Variants in HPR observed in about 807,000 individuals in gnomAD.
The protein encoded by HPR is haptoglobin-related protein, also known as Haptoglobin-related locus.
HPR carries 17 observed loss-of-function variants against 18.5 expected under a neutral mutation model. The ratio of observed to expected loss-of-function variants is 0.92; its 90% CI spans 0.63 to 1.38. The LOEUF (loss-of-function observed/expected upper bound fraction) is 1.38, where lower values mean the gene tolerates loss of function less well. HPR is among the 40% of genes most tolerant of loss of function. The pLI, the probability that HPR is intolerant of heterozygous loss-of-function variation, is 0.00. For synonymous variants in HPR, 176 were observed against 165.0 expected, an observed-to-expected ratio of 1.07 and a Z score of -0.51; for missense variants, 457 against 432.4, an observed-to-expected ratio of 1.06 and a Z score of -0.51.
In HPR at chr16:72,076,603, G is replaced by A. The variant is rs768382715; in HGVS notation, c.569G>A (p.Gly190Glu). 5 of 1,614,042 alleles carry A rather than the reference G, an allele frequency of 3.1e-6. No homozygotes were observed. The Admixed American group carries it at 8.3e-5, about 27-fold the overall frequency. ...CCTAACTACCACCAGGTAGATATTG[G>A]GCTCATCAAACTCAAACAGAAGGTG... ...LHPNYHQVDI[G>E]LIKLKQKVLV... Residue 190 changes from glycine to glutamate, a missense_variant, in exon 5 of 5, where the codon GGG (glycine) becomes GAG (glutamate). Transcript: ENST00000540303.
chr16:72,070,858 A>T (rs536712437), intron 1 of HPR, among the ~76,000 whole-genome samples: 1 of 152,230 alleles, frequency 6.6e-6, no homozygotes, highest in East Asian at 1.9e-4. Context: ...TTTGGAAACC[A>T]CTCAGTATGG....
At chr16:72,064,251 A>G (rs1460758852) in intron 1 of HPR, among the ~76,000 whole-genome samples, 2 of 152,222 alleles carry the variant, frequency 1.3e-5, no homozygotes, top group Non-Finnish European at 1.5e-5. Context: ...AAATAACCAC[A>G]TAAGTGTTTA....
At chr16:72,069,266 G>T (rs550668377) in intron 1 of HPR, among the ~76,000 whole-genome samples, 1 of 152,102 alleles carries the variant, frequency 6.6e-6, no homozygotes, top group African/African-American at 2.4e-5. Context: ...TTGTTCATAA[G>T]GAGTTAATCA....
chr16:72,072,928 C>T (rs2041672734), intron 1 of HPR, among the ~76,000 whole-genome samples: 1 of 152,098 alleles, frequency 6.6e-6, no homozygotes, highest in Non-Finnish European at 1.5e-5. Context: ...TTCTTTGCTC[C>T]CTGCTTTCAA....
At chr16:72,066,186 G>A (rs1382129716) in intron 1 of HPR, among the ~76,000 whole-genome samples, 1 of 152,192 alleles carries the variant, frequency 6.6e-6, no homozygotes, top group East Asian at 1.9e-4. Context: ...CATTGGTTTT[G>A]TAAATGCTCT....
intron 1 of HPR, among the ~76,000 whole-genome samples, chr16:72,064,865 G>A (rs183372394): frequency 6.6e-6 from 1 of 152,282 alleles, no homozygotes; most frequent in Non-Finnish European, 1.5e-5. Context: ...CCACTGCCTT[G>A]TTGCAGTGGC....
At chr16:72,068,837 A>G (rs908981405) in intron 1 of HPR, among the ~76,000 whole-genome samples, 5 of 152,152 alleles carry the variant, frequency 3.3e-5, no homozygotes, top group African/African-American at 7.2e-5. Context: ...GAAGGTGACT[A>G]ACTGACTCCA....
At chr16:72,073,725 T>A (rs2041681376) in intron 1 of HPR, 167 bp from the exon 2 acceptor site, 1 of 1,535,308 alleles carries the variant, frequency 6.5e-7, no homozygotes, top group African/African-American at 1.4e-5. Flanking sequence ...TCCTAGCACT[T>A]CCATATATTG....
Position 72,076,690 on chromosome 16 carries a change from G to A in HPR, c.656G>A (p.Arg219His), listed in dbSNP as rs144648182. ...TCAAAGAATTATGCAGAAGTAGGGC[G>A]TGTGGGTTACGTGTCTGGCTGGGGA... ...LPSKNYAEVGRVGYVSGWGQS... is the reference protein window; with the variant it reads ...LPSKNYAEVGHVGYVSGWGQS... Residue 219 changes from arginine (R) to histidine (H), a missense_variant, in exon 5 of 5, where the codon CGT becomes CAT. Physicochemically the swap from Arg to His is conservative, Grantham distance 29 (BLOSUM62 0). Transcript: ENST00000540303. The A allele has an allele frequency of 4.7e-4, 763 of 1,614,196 alleles. 6 individuals carry two copies. The East Asian group carries it at 0.012, about 26-fold the overall frequency.
intron 1 of HPR, among the ~76,000 whole-genome samples, chr16:72,071,478 GCT>G (rs1478157233): frequency 6.6e-6 from 1 of 152,134 alleles, no homozygotes; most frequent in African/African-American, 2.4e-5. Flanking sequence ...ATCATGTCAA[GCT>G]CTTTCTCTGC....
chr16:72,074,789 T>C (rs1597420163), intron 3 of HPR: 1 of 659,428 alleles, frequency 1.5e-6, no homozygotes, highest in Non-Finnish European at 2.7e-6. Context: ...ATAGAGGTTA[T>C]TATTCTCACT....
At chr16:72,072,459 T>C (rs1297404009) in intron 1 of HPR, among the ~76,000 whole-genome samples, 1 of 152,190 alleles carries the variant, frequency 6.6e-6, no homozygotes, top group Non-Finnish European at 1.5e-5. Context: ...CCCGATGCTA[T>C]ACTTTTATCC....
In HPR at chr16:72,063,279, C is replaced by T. The variant is rs758584066; in HGVS notation, c.5+19C>T. 4 of 1,586,464 alleles carry T rather than the reference C, an allele frequency of 2.5e-6. No individual in the cohort carries two copies. Among genetic ancestry groups the T allele is most frequent in the Non-Finnish European group, 3.4e-6 (4 of 1,163,558 alleles). ...AGATGAGGTGGGTCCACAGCTTTCC[C>T]TCCTGCCTTTCCTCTGGTTCTTTAT... is the stretch of plus-strand genomic sequence containing the variant. On this transcript the variant is annotated intron_variant, in intron 1 of 4. Coordinates refer to ENST00000540303, the MANE Select transcript of HPR (RefSeq NM_020995.4).
chr16:72,071,873 C>T (rs2144070027), intron 1 of HPR, among the ~76,000 whole-genome samples: 1 of 152,320 alleles, frequency 6.6e-6, no homozygotes, highest in Non-Finnish European at 1.5e-5. Context: ...ATATAGATTC[C>T]ACTGGAGTCC....
chr16:72,076,916 T>C lies in HPR; in HGVS notation c.882T>C (p.Tyr294=), dbSNP rs576126030. 7.4e-6 allele frequency: 12 copies of C among 1,614,238 alleles called. No individual in the cohort carries two copies. The East Asian group carries it at 2.5e-4, about 33-fold the overall frequency. ...GMSKYQEDTC[Y]GDAGSAFAVH... ...CTAAGTACCAGGAAGACACCTGCTATGGCGATGCGGGCAGTGCCTTTGCCG... is the reference window on the plus strand; with the variant it reads ...CTAAGTACCAGGAAGACACCTGCTACGGCGATGCGGGCAGTGCCTTTGCCG... The change falls in exon 5 of 5, where the codon TAT becomes TAC. Residue 294 remains tyrosine (Y), a synonymous_variant. Coordinates refer to ENST00000540303, the MANE Select transcript of HPR (RefSeq NM_020995.4).
chr16:72,073,322 G>T (rs1286784008), intron 1 of HPR, among the ~76,000 whole-genome samples: 1 of 152,154 alleles, frequency 6.6e-6, no homozygotes, highest in Non-Finnish European at 1.5e-5. Flanking sequence ...GAGACCCTTT[G>T]TCCTTTGTCT....
intron 1 of HPR, among the ~76,000 whole-genome samples, chr16:72,064,613 C>A (rs916303172): frequency 6.6e-6 from 1 of 152,214 alleles, no homozygotes; most frequent in African/African-American, 2.4e-5. Context: ...GGACAAGCTG[C>A]GTTAGACATA....
intron 1 of HPR, among the ~76,000 whole-genome samples, chr16:72,069,575 T>C (rs866711125): frequency 1.3e-5 from 2 of 152,136 alleles, no homozygotes; most frequent in Non-Finnish European, 2.9e-5. Flanking sequence ...AAGCCCGTTA[T>C]GTGGAAGATC....
chr16:72,072,216 C>G (rs1410848906), intron 1 of HPR, among the ~76,000 whole-genome samples: 1 of 152,106 alleles, frequency 6.6e-6, no homozygotes, highest in Non-Finnish European at 1.5e-5. Flanking sequence ...CCATGATGGT[C>G]AGGCTGGTCT....
Sources: gnomAD v4.1 joint callset for allele counts (sites outside exome capture counted in the v4.1 genomes callset) on GRCh38, gnomAD v4.1.1 for gene constraint, MANE v1.5 for transcripts, NCBI Gene and HGNC (gene_info 2026-07-23, HGNC 2026-07-21) for gene names.